The following TRIM2 variants were observed in gnomAD, a reference collection of about 807,000 sequenced individuals.
TRIM2 encodes tripartite motif containing 2.
Under a neutral mutation model 75.2 loss-of-function variants are expected in TRIM2, and 20 were observed. That is an observed-to-expected ratio of 0.27 (90% confidence interval 0.19 to 0.39). TRIM2 has a LOEUF of 0.39. Ranked by LOEUF, TRIM2 falls within the 10% of genes least tolerant of loss-of-function variation. TRIM2 has a pLI of 1.00. For synonymous variants in TRIM2, 373 were observed against 388.3 expected, an observed-to-expected ratio of 0.96 and a Z score of 0.46; for missense variants, 660 against 990.8, an observed-to-expected ratio of 0.67 and a Z score of 4.48.
chr4:153,294,355 A>G lies in TRIM2; in HGVS notation c.656A>G (p.Gln219Arg). The G allele has an allele frequency of 1.2e-6, 2 of 1,614,216 alleles. No individual in the cohort carries two copies. Among genetic ancestry groups the G allele is most frequent in the Non-Finnish European group, 1.7e-6 (2 of 1,180,040 alleles). The change falls in exon 5 of 12, where the codon CAG (glutamine) becomes CGG (arginine). Residue 219 changes from glutamine to arginine, a missense_variant. Physicochemically the swap from Gln to Arg is conservative, Grantham distance 43 (BLOSUM62 1). Around this residue, in one of 2 missense-constraint regions of TRIM2, gnomAD observed 620 missense variants for 891.0 expected, o/e 0.70. Coordinates refer to ENST00000338700, the MANE Select transcript of TRIM2 (RefSeq NM_015271.5). Reference sequence around the variant, plus strand: ...CAGTTCATCTCTGAAATCATTCATCAGTTAACCAACCAAAAGGCCAGCATC... The same window carrying G: ...CAGTTCATCTCTGAAATCATTCATCGGTTAACCAACCAAAAGGCCAGCATC... ...ALQFISEIIH[Q>R]LTNQKASIVD... is the part of the protein sequence containing the mutation.
chr4:153,269,157 CTT>C (rs1175575650), intron 1 of TRIM2, among the ~76,000 whole-genome samples: 2 of 152,088 alleles, frequency 1.3e-5, no homozygotes, highest in Non-Finnish European at 2.9e-5. Flanking sequence ...AAGGCATACA[CTT>C]TTTTTGATAC....
chr4:153,179,098 G>A (rs1275498526), intron 1 of TRIM2, among the ~76,000 whole-genome samples: 1 of 152,102 alleles, frequency 6.6e-6, no homozygotes, highest in East Asian at 1.9e-4. Flanking sequence ...GACTGAGGCT[G>A]GTGAAGGTCA....
chr4:153,251,340 G>C (rs1248052655), intron 1 of TRIM2, among the ~76,000 whole-genome samples: 1 of 152,212 alleles, frequency 6.6e-6, no homozygotes, highest in African/African-American at 2.4e-5. Flanking sequence ...TCCAGAAGGA[G>C]CTTGGCTTTG....
At chr4:153,171,363 A>G (rs1169993992) in intron 1 of TRIM2, among the ~76,000 whole-genome samples, 1 of 152,190 alleles carries the variant, frequency 6.6e-6, no homozygotes, top group Non-Finnish European at 1.5e-5. Flanking sequence ...AGGCAGGCGG[A>G]TCACCTGAGG....
intron 1 of TRIM2, among the ~76,000 whole-genome samples, chr4:153,239,893 G>T (rs1245789721): frequency 4.9e-5 from 7 of 143,430 alleles, no homozygotes; most frequent in Admixed American, 1.4e-4. Flanking sequence ...CTGGAGTGCA[G>T]TGGCGTTATC....
At chr4:153,236,919 C>A (rs1034199298) in intron 1 of TRIM2, among the ~76,000 whole-genome samples, 1 of 152,140 alleles carries the variant, frequency 6.6e-6, no homozygotes, top group Non-Finnish European at 1.5e-5. Flanking sequence ...GTCTCAAACT[C>A]CTAGGCTTAA....
chr4:153,244,426 C>CTTCTTCTTCTTTCTTCTTCTTTCTTCT (rs1748438739), intron 1 of TRIM2, among the ~76,000 whole-genome samples: 3 of 104,212 alleles, frequency 2.9e-5, no homozygotes, highest in South Asian at 2.9e-4. Context: ...TCTTCTTCTT[C>CTTCTTCTTCTTTCTTCTTCTTTCTTCT]TTCTTCTTCT....
chr4:153,266,431 C>G (rs920852091), intron 1 of TRIM2, among the ~76,000 whole-genome samples: 2 of 148,458 alleles, frequency 1.3e-5, no homozygotes, highest in African/African-American at 5.0e-5. Flanking sequence ...CAACCTCTGT[C>G]TCCCAGGTTC....
intron 1 of TRIM2, among the ~76,000 whole-genome samples, chr4:153,221,870 G>A (rs562971790): frequency 1.0e-4 from 13 of 127,108 alleles, no homozygotes; most frequent in South Asian, 3.3e-4. Flanking sequence ...GAGAGAGGAA[G>A]GAAGGGAAGG....
chr4:153,292,153 C>T (rs1032979384), intron 3 of TRIM2, among the ~76,000 whole-genome samples: 2 of 152,176 alleles, frequency 1.3e-5, no homozygotes, highest in African/African-American at 4.8e-5. Flanking sequence ...TTTTCACTCT[C>T]GTTCTCTCAA....
At chr4:153,157,471 G>C (rs1322101338) in intron 1 of TRIM2, among the ~76,000 whole-genome samples, 30 of 152,114 alleles carry the variant, frequency 2.0e-4, no homozygotes, top group Non-Finnish European at 2.9e-5. Context: ...GTAAGATCCA[G>C]CTGTTTGGTT....
chr4:153,241,217 G>A (rs1163133673), intron 1 of TRIM2, among the ~76,000 whole-genome samples: 3 of 152,194 alleles, frequency 2.0e-5, no homozygotes, highest in African/African-American at 7.2e-5. Flanking sequence ...ATCATAACAA[G>A]TAGTTCTGAG....
At chr4:153,208,090 G>C (rs1735965870) in intron 1 of TRIM2, among the ~76,000 whole-genome samples, 1 of 152,138 alleles carries the variant, frequency 6.6e-6, no homozygotes, top group Admixed American at 6.5e-5. Flanking sequence ...GAGGCCAAAA[G>C]TTCAAGACCA....
At chr4:153,276,358 A>G (rs1421121660) in intron 3 of TRIM2, 7 of 586,590 alleles carry the variant, frequency 1.2e-5, no homozygotes, top group Non-Finnish European at 2.1e-5. Flanking sequence ...TATTGTTGGT[A>G]TCCCCAGGAC....
At chr4:153,219,147 G>A (rs1198269530) in intron 1 of TRIM2, among the ~76,000 whole-genome samples, 1 of 152,114 alleles carries the variant, frequency 6.6e-6, no homozygotes, top group African/African-American at 2.4e-5. Flanking sequence ...GTAAACATTG[G>A]TTGATCTTAT....
intron 1 of TRIM2, among the ~76,000 whole-genome samples, chr4:153,270,133 T>C (rs960897536): frequency 2.0e-5 from 3 of 151,910 alleles, no homozygotes; most frequent in African/African-American, 7.3e-5. Context: ...TTTCACTGTG[T>C]TAGCCAGGAG....
Position 153,204,467 on chromosome 4 carries a change from C to T in TRIM2, c.-64C>T. On this transcript the variant is annotated 5_prime_UTR_variant, in exon 1 of 12. Transcript: ENST00000338700. The stretch of plus-strand genomic sequence containing the variant: ...CGGCAGCTTGATGACTATAATGGGC[C>T]CAGTTGTCTGCGGGCTGCGGGGAGC... 2 of 1,543,056 alleles carry T rather than the reference C, an allele frequency of 1.3e-6. No individual in the cohort carries two copies. Among genetic ancestry groups the T allele is most frequent in the Non-Finnish European group, 1.8e-6 (2 of 1,139,408 alleles).
In TRIM2 at chr4:153,336,581, G is replaced by A. The variant is rs1365776312; in HGVS notation, c.*1615G>A. The A allele has an allele frequency of 1.0e-6, 1 of 985,638 alleles. No homozygotes were observed. The highest frequency in any genetic ancestry group is 1.7e-5 in the African/African-American group (1 of 57,206). The allele number at this position is 985,638 out of a possible 1,614,324, so 61.1% of individuals were successfully genotyped here. ...ATAGGATGTCATGTTTGACATTTTT[G>A]ATAGTGACTTTGGGGTCTTCTTCAC... On this transcript the variant is annotated 3_prime_UTR_variant, in exon 12 of 12. Transcript: ENST00000338700.
At chr4:153,257,253 C>A in intron 1 of TRIM2, 1 of 258,270 alleles carries the variant, frequency 3.9e-6, no homozygotes, top group Non-Finnish European at 6.8e-6. Flanking sequence ...TGGAGCTCAG[C>A]GGCCCAGCAC....
Sources: allele counts gnomAD v4.1 joint callset (sites outside exome capture counted in the v4.1 genomes callset), GRCh38; gene constraint gnomAD v4.1.1; regional missense constraint gnomAD v4.1.1; transcripts MANE v1.5; gene names NCBI Gene and HGNC (gene_info 2026-07-23, HGNC 2026-07-21).